The following OSBPL9 variants were observed in gnomAD, a reference collection of about 807,000 sequenced individuals.
The protein encoded by OSBPL9 is oxysterol-binding protein-related protein 9.
In OSBPL9, 40 loss-of-function variants were observed where a neutral mutation model predicts 106.6. The ratio of observed to expected loss-of-function variants is 0.38; its 90% CI spans 0.29 to 0.49. The LOEUF is 0.49. Ranked by LOEUF, OSBPL9 falls within the 20% of genes least tolerant of loss-of-function variation. The pLI is 0.97. For synonymous variants in OSBPL9, 269 were observed against 295.4 expected (o/e 0.91, Z 0.92); for missense variants, 609 against 887.2 (o/e 0.69, Z 3.98).
intron 21 of OSBPL9, chr1:51,786,267 TAATAA>T (rs1329794281): frequency 6.6e-6 from 3 of 451,984 alleles, no homozygotes; most frequent in African/African-American, 6.1e-5. Context: ...AGATTTTGTA[TAATAA>T]AATTTACTGA....
chr1:51,518,542 G>A, the OSBPL9 span: 3 of 152,880 alleles, frequency 2.0e-5, no homozygotes, highest in Admixed American at 1.3e-4. Flanking sequence ...ATCAGGAGGG[G>A]GGAGAGGCTG....
intron 1 of OSBPL9, among the ~76,000 whole-genome samples, chr1:51,594,627 T>C (rs936922143): frequency 1.3e-5 from 2 of 152,174 alleles, no homozygotes; most frequent in Admixed American, 1.3e-4. Context: ...CTGAACAATC[T>C]TGCAAGATCC....
At chr1:51,784,761 A>G in intron 20 of OSBPL9, 179 bp downstream of exon 20, 2 of 734,402 alleles carry the variant, frequency 2.7e-6, no homozygotes, top group Non-Finnish European at 4.3e-6. Context: ...CCTAAAACAT[A>G]TATTCAGAGC....
chr1:51,682,829 ATT>A (rs1292117134), intron 3 of OSBPL9, among the ~76,000 whole-genome samples: 22 of 141,950 alleles, frequency 1.5e-4, no homozygotes, highest in Admixed American at 3.5e-4. Flanking sequence ...TTCCTTTCTA[ATT>A]TTTTTTTTTT....
intron 1 of OSBPL9, among the ~76,000 whole-genome samples, chr1:51,650,121 C>T (rs905764061): frequency 8.5e-5 from 13 of 152,150 alleles, no homozygotes; most frequent in Non-Finnish European, 1.5e-4. Context: ...AAGTGACCCT[C>T]TTGCCTTGGA....
intron 2 of OSBPL9, among the ~76,000 whole-genome samples, chr1:51,598,784 A>C (rs1383061632): frequency 6.6e-6 from 1 of 152,180 alleles, no homozygotes; most frequent in African/African-American, 2.4e-5. Context: ...ACCTGAGGTC[A>C]GGAGTTCGAG....
At chr1:51,635,265 TGG>T (rs1408294930) in intron 1 of OSBPL9, among the ~76,000 whole-genome samples, 2 of 152,064 alleles carry the variant, frequency 1.3e-5, no homozygotes, top group East Asian at 3.8e-4. Context: ...GAGTTCAGCC[TGG>T]GCAACATAGA....
At chr1:51,575,532 C>T (rs1047130023), upstream of OSBPL9, among the ~76,000 whole-genome samples, 1 of 151,940 alleles carries the variant, frequency 6.6e-6, no homozygotes, top group Non-Finnish European at 1.5e-5. Context: ...GGTTTATTAC[C>T]TTATCTCTAC....
At chr1:51,643,735 T>G (rs1232311554) in intron 1 of OSBPL9, among the ~76,000 whole-genome samples, 2 of 152,032 alleles carry the variant, frequency 1.3e-5, no homozygotes, top group African/African-American at 4.8e-5. Context: ...GACTCCTGGC[T>G]CCTGTGTGGA....
chr1:51,529,386 C>T, the OSBPL9 span, among the ~76,000 whole-genome samples: 76 of 152,052 alleles, frequency 5.0e-4, no homozygotes, highest in Non-Finnish European at 1.0e-3. Context: ...TACAGATGCC[C>T]GCCACCATGC....
At chr1:51,786,479 T>C (rs376118423) in intron 21 of OSBPL9, 47 bp from the exon 22 acceptor site, 26 of 1,288,248 alleles carry the variant, frequency 2.0e-5, no homozygotes, top group Non-Finnish European at 2.9e-5. Context: ...TAACATTAGG[T>C]TAGGGGTTTA....
chr1:51,600,886 C>T (rs2148603702), intron 2 of OSBPL9, among the ~76,000 whole-genome samples: 1 of 152,298 alleles, frequency 6.6e-6, no homozygotes, highest in African/African-American at 2.4e-5. Context: ...AGATTTAGTT[C>T]ACGAGACCTC....
chr1:51,711,703 G>A (rs1431100679), intron 3 of OSBPL9, among the ~76,000 whole-genome samples: 1 of 148,118 alleles, frequency 6.8e-6, no homozygotes, highest in Admixed American at 6.6e-5. Context: ...AGACGGGGCG[G>A]CCGGGCAGAG....
At chr1:51,519,509 C>G in the OSBPL9 span, among the ~76,000 whole-genome samples, 2 of 151,936 alleles carry the variant, frequency 1.3e-5, no homozygotes, top group African/African-American at 4.8e-5. Flanking sequence ...AAACCCGGCG[C>G]GGACATAAAA....
In OSBPL9 at chr1:51,784,549, G is replaced by C. The variant is rs772897359; in HGVS notation, c.1796G>C (p.Gly599Ala). The C allele has an allele frequency of 1.9e-6, 3 of 1,614,078 alleles. No homozygotes were observed. In the South Asian group the frequency reaches 3.3e-5, roughly 18 times the overall value. The change falls in exon 20 of 24, where the codon GGG becomes GCG. Residue 599 changes from glycine (G) to alanine (A), a missense_variant. By Grantham distance (60) the Gly-to-Ala change is moderately conservative. Transcript: ENST00000428468. ...NIIFHTKPFY[G>A]GKKHRITAEI... is the part of the protein sequence containing the mutation. ...ATCTTCCACACTAAACCCTTCTATG[G>C]GGGCAAGAAGCACAGAATTACTGCC...
intron 4 of OSBPL9, 117 bp from the exon 5 acceptor site, chr1:51,745,419 A>G (rs1295731736): frequency 1.4e-6 from 2 of 1,441,216 alleles, no homozygotes; most frequent in Non-Finnish European, 1.9e-6. Context: ...ATTTGTGTCA[A>G]AATAGAACTG....
chr1:51,586,237 AAAT>A (rs1645246909), intron 1 of OSBPL9, among the ~76,000 whole-genome samples: 3 of 152,038 alleles, frequency 2.0e-5, no homozygotes, highest in Non-Finnish European at 4.4e-5. Flanking sequence ...TCATTGTAGA[AAAT>A]AATGAAAAAA....
chr1:51,595,732 T>A (rs1423122515), intron 1 of OSBPL9, among the ~76,000 whole-genome samples: 1 of 152,188 alleles, frequency 6.6e-6, no homozygotes, highest in Non-Finnish European at 1.5e-5. Flanking sequence ...TTGTTGATTA[T>A]TGTATTATGT....
the OSBPL9 span, among the ~76,000 whole-genome samples, chr1:51,525,192 C>T: frequency 0.013 from 1,918 of 152,326 alleles, 43 homozygotes; most frequent in African/African-American, 0.044. Flanking sequence ...CCCAGCTCAG[C>T]CCCATTTGAC....
Sources: gnomAD v4.1 joint callset for allele counts (sites outside exome capture counted in the v4.1 genomes callset) on GRCh38, gnomAD v4.1.1 for gene constraint, MANE v1.5 for transcripts, NCBI Gene and HGNC (gene_info 2026-07-23, HGNC 2026-07-21) for gene names.